FHIP1A: variants seen among roughly 807,000 people sequenced by gnomAD.
The protein encoded by FHIP1A is FHF complex subunit HOOK-interacting protein 1A.
A neutral mutation model predicts 88.6 loss-of-function variants in FHIP1A; 61 were observed. The ratio of observed to expected loss-of-function variants is 0.69; its 90% confidence interval spans 0.56 to 0.85. FHIP1A has a LOEUF of 0.85. FHIP1A is among the 40% of genes least tolerant of loss of function. FHIP1A has a pLI of 0.00. For synonymous variants in FHIP1A, 478 were observed against 496.0 expected (o/e 0.96, Z 0.48); for missense variants, 1,154 against 1,273.5 (o/e 0.91, Z 1.43).
chr4:151,563,187 G>A (rs1408436503), intron 3 of FHIP1A, among the ~76,000 whole-genome samples: 2 of 152,008 alleles, frequency 1.3e-5, no homozygotes, highest in African/African-American at 4.8e-5. Flanking sequence ...TAGAATTTAT[G>A]CTGAAATATC....
chr4:151,503,842 C>T (rs1730734042), intron 3 of FHIP1A, among the ~76,000 whole-genome samples: 1 of 152,162 alleles, frequency 6.6e-6, no homozygotes, highest in Non-Finnish European at 1.5e-5. Context: ...TCCCTGTGGG[C>T]AGATCTTAAC....
At chr4:151,566,388 T>C in intron 4 of FHIP1A, 24 bp downstream of exon 4, 1 of 1,454,294 alleles carries the variant, frequency 6.9e-7, no homozygotes. Flanking sequence ...TCCACTTTTT[T>C]TGCTGGTCTC....
intron 7 of FHIP1A, among the ~76,000 whole-genome samples, chr4:151,627,318 T>A (rs1735990487): frequency 6.6e-6 from 1 of 152,244 alleles, no homozygotes; most frequent in African/African-American, 2.4e-5. Context: ...CAATAGATAC[T>A]TAATGCCCTC....
intron 13 of FHIP1A, among the ~76,000 whole-genome samples, chr4:151,662,159 A>G (rs556569639): frequency 7.9e-5 from 12 of 152,314 alleles, no homozygotes; most frequent in South Asian, 6.2e-4. Flanking sequence ...TAATAAGCCA[A>G]TGACAGGAGA....
chr4:151,646,575 A>G lies in FHIP1A; in HGVS notation c.1244A>G (p.Asn415Ser), dbSNP rs1250497139. The change falls in exon 10 of 14, where the codon AAT becomes AGT. Residue 415 changes from asparagine (N) to serine (S), a missense_variant. Transcript: ENST00000435205. ...QLVLRYLIPC[N>S]HMMLSQRWAV... The stretch of plus-strand genomic sequence containing the variant: ...CATTCTAGGTATCTGATCCCCTGCA[A>G]TCACATGATGCTGAGTCAGAGGTGG... The G allele has an allele frequency of 1.3e-6, 2 of 1,551,426 alleles. No homozygotes were observed. The highest frequency in any genetic ancestry group is 1.2e-5 in the South Asian group (1 of 84,046).
intron 3 of FHIP1A, among the ~76,000 whole-genome samples, chr4:151,565,099 T>C (rs1733331863): frequency 6.7e-6 from 1 of 149,826 alleles, no homozygotes; most frequent in African/African-American, 2.4e-5. Context: ...ACATTACAAG[T>C]CTACAAACTT....
intron 1 of FHIP1A, among the ~76,000 whole-genome samples, chr4:151,410,148 G>A (rs1732556596): frequency 6.6e-6 from 1 of 152,176 alleles, no homozygotes; most frequent in Non-Finnish European, 1.5e-5. Context: ...GCAGGCGGCG[G>A]TAGCCTTGTT....
intron 3 of FHIP1A, among the ~76,000 whole-genome samples, chr4:151,557,525 C>G (rs1279625854): frequency 6.6e-6 from 1 of 152,188 alleles, no homozygotes; most frequent in African/African-American, 2.4e-5. Context: ...CCATTCAAGT[C>G]TATGCCAGTC....
chr4:151,414,436 T>C (rs181645611), intron 1 of FHIP1A, among the ~76,000 whole-genome samples: 44 of 152,316 alleles, frequency 2.9e-4, no homozygotes, highest in Admixed American at 2.5e-3. Flanking sequence ...AATTTCCATT[T>C]TGAAAATGCT....
At chr4:151,635,658 C>A (rs538635608) in intron 8 of FHIP1A, among the ~76,000 whole-genome samples, 2 of 151,906 alleles carry the variant, frequency 1.3e-5, no homozygotes, top group Admixed American at 6.6e-5. Flanking sequence ...GGATTCCACT[C>A]ATGTAAGGGA....
intron 2 of FHIP1A, among the ~76,000 whole-genome samples, chr4:151,477,101 G>A (rs141526245): frequency 1.3e-5 from 2 of 152,098 alleles, no homozygotes; most frequent in Non-Finnish European, 2.9e-5. Flanking sequence ...GGATTTTTGG[G>A]GGCTCTAAAC....
At position 151,422,056 on chromosome 4, in the gene FHIP1A, A is replaced by T. The variant is rs192481195; in HGVS notation, c.-356+12591A>T. Among the ~76,000 whole-genome samples the T allele has an allele frequency of 5.3e-5, 8 of 152,038 alleles. No homozygotes were observed. The East Asian group carries it at 1.4e-3, about 26-fold the overall frequency. ...TGGCTGCACTGTTGTCAAATTATAT[A>T]TGAGGGGTATGCTGCTTTGACAAAG... is the stretch of plus-strand genomic sequence containing the variant. On this transcript the variant is annotated intron_variant, in intron 1 of 13. Coordinates refer to ENST00000435205, the MANE Select transcript of FHIP1A (RefSeq NM_001109977.3).
intron 2 of FHIP1A, among the ~76,000 whole-genome samples, chr4:151,465,424 GC>G (rs1219106217): frequency 2.6e-5 from 4 of 152,098 alleles, no homozygotes; most frequent in Non-Finnish European, 4.4e-5. Flanking sequence ...CAGATTCATA[GC>G]TGAATTCTTC....
chr4:151,410,218 GACCCACCCATT>G (rs1406608255), intron 1 of FHIP1A, among the ~76,000 whole-genome samples: 1 of 152,176 alleles, frequency 6.6e-6, no homozygotes, highest in African/African-American at 2.4e-5. Flanking sequence ...CAGCCTCCTG[GACCCACCCATT>G]CACAGCAGAT....
At chr4:151,589,297 G>C (rs916047485) in intron 7 of FHIP1A, among the ~76,000 whole-genome samples, 3 of 152,192 alleles carry the variant, frequency 2.0e-5, no homozygotes, top group Admixed American at 6.5e-5. Flanking sequence ...ATGGAGAGGA[G>C]CAGTGGTAGC....
At chr4:151,558,733 T>C (rs910553346) in intron 3 of FHIP1A, among the ~76,000 whole-genome samples, 4 of 152,218 alleles carry the variant, frequency 2.6e-5, no homozygotes, top group African/African-American at 9.6e-5. Flanking sequence ...TTGAGAACCA[T>C]TGAGGCTCCC....
chr4:151,597,396 T>C (rs939524328), intron 7 of FHIP1A, among the ~76,000 whole-genome samples: 5 of 152,170 alleles, frequency 3.3e-5, no homozygotes, highest in Non-Finnish European at 7.4e-5. Flanking sequence ...TTCCTTCCTC[T>C]GGAAGCTTCG....
chr4:151,448,369 A>G (rs1728680402), intron 1 of FHIP1A, among the ~76,000 whole-genome samples: 1 of 152,234 alleles, frequency 6.6e-6, no homozygotes. Flanking sequence ...CGCATAAAGT[A>G]GGTTCACATT....
At chr4:151,487,679 G>A (rs533849145) in intron 3 of FHIP1A, among the ~76,000 whole-genome samples, 1 of 152,308 alleles carries the variant, frequency 6.6e-6, no homozygotes, top group South Asian at 2.1e-4. Context: ...TGTGTGCCAG[G>A]CACTATTCTA....
Sources: gnomAD v4.1 joint callset for allele counts (sites outside exome capture counted in the v4.1 genomes callset) on GRCh38, gnomAD v4.1.1 for gene constraint, MANE v1.5 for transcripts, NCBI Gene and HGNC (gene_info 2026-07-23, HGNC 2026-07-21) for gene names.